TLK1: variants seen among roughly 807,000 people sequenced by gnomAD.
The protein encoded by TLK1 is tousled like kinase 1.
Under a neutral mutation model 105.3 loss-of-function variants are expected in TLK1, and 24 were observed. The observed-to-expected ratio is 0.23, with a 90% CI of 0.17 to 0.32. The LOEUF is 0.32. TLK1 is among the 10% of genes least tolerant of loss of function. The pLI is 1.00. For synonymous variants in TLK1, 321 were observed against 310.4 expected, an observed-to-expected ratio of 1.03 and a Z score of -0.36; for missense variants, 558 against 910.5, an observed-to-expected ratio of 0.61 and a Z score of 4.98.
intron 1 of TLK1, among the ~76,000 whole-genome samples, chr2:171,203,308 C>T (rs1188188903): frequency 6.6e-6 from 1 of 152,020 alleles, no homozygotes; most frequent in Non-Finnish European, 1.5e-5. Flanking sequence ...GAATTCATCT[C>T]GTAAAACTAA....
At chr2:171,028,177 A>G (rs1184424939) in intron 12 of TLK1, among the ~76,000 whole-genome samples, 162 bp downstream of exon 12, 2 of 152,186 alleles carry the variant, frequency 1.3e-5, no homozygotes, top group Non-Finnish European at 2.9e-5. Flanking sequence ...ATACTAATAA[A>G]TAAAATAAAG....
intron 1 of TLK1, among the ~76,000 whole-genome samples, chr2:171,208,227 A>G (rs1693544419): frequency 6.6e-6 from 1 of 152,196 alleles, no homozygotes; most frequent in Non-Finnish European, 1.5e-5. Flanking sequence ...TAGACTTTTT[A>G]TAAAATAAAT....
Position 171,050,084 on chromosome 2 carries a change from T to G in TLK1, c.823A>C (p.Lys275Gln). The G allele has an allele frequency of 6.2e-7, 1 of 1,602,134 alleles. No homozygotes were observed. The highest frequency in any genetic ancestry group is 8.5e-7 in the Non-Finnish European group (1 of 1,172,742). The part of the protein sequence containing the change: ...ERLNKCISMS[K>Q]KLLIEKSTQE... Reference sequence around the variant, plus strand: ...CCTACCTTTTCAATAAGAAGTTTCTTGCTCATTGATATGCACTTATTTAAT... The same window carrying G: ...CCTACCTTTTCAATAAGAAGTTTCTGGCTCATTGATATGCACTTATTTAAT... Residue 275 changes from lysine to glutamine, a missense_variant, in exon 9 of 21, where the codon AAG (lysine) becomes CAG (glutamine). By Grantham distance (53) the Lys-to-Gln change is moderately conservative. Coordinates refer to ENST00000431350, the MANE Select transcript of TLK1 (RefSeq NM_012290.5).
At chr2:170,999,485 G>T (rs1159331155) in intron 18 of TLK1, among the ~76,000 whole-genome samples, 1 of 152,218 alleles carries the variant, frequency 6.6e-6, no homozygotes, top group East Asian at 1.9e-4. Flanking sequence ...GGCACAAGGT[G>T]TATGTATGCA....
At chr2:171,128,790 A>C (rs1178113247) in intron 1 of TLK1, among the ~76,000 whole-genome samples, 1 of 152,230 alleles carries the variant, frequency 6.6e-6, no homozygotes, top group Non-Finnish European at 1.5e-5. Flanking sequence ...GTATATACAC[A>C]TACTCACATA....
chr2:171,158,866 T>C (rs183155952), intron 1 of TLK1, among the ~76,000 whole-genome samples: 24 of 152,336 alleles, frequency 1.6e-4, no homozygotes, highest in Middle Eastern at 3.4e-3. Context: ...AGCTCAGCGT[T>C]GGGATAAGAT....
At chr2:171,225,375 A>G (rs1693879504) in intron 1 of TLK1, among the ~76,000 whole-genome samples, 1 of 152,204 alleles carries the variant, frequency 6.6e-6, no homozygotes, top group Non-Finnish European at 1.5e-5. Flanking sequence ...TAAGCATACT[A>G]AAGATGCCTA....
intron 3 of TLK1, among the ~76,000 whole-genome samples, chr2:171,071,602 T>C (rs1386098688): frequency 6.6e-6 from 1 of 152,018 alleles, no homozygotes; most frequent in African/African-American, 2.4e-5. Flanking sequence ...TGTCCATTTT[T>C]ACCTTTGGTT....
At chr2:171,056,411 T>G (rs904043073) in intron 6 of TLK1, 60 bp downstream of exon 6, 331 of 1,371,810 alleles carry the variant, frequency 2.4e-4, no homozygotes, top group Non-Finnish European at 1.9e-4. Flanking sequence ...ATTATAAAAC[T>G]TATTCAGTGT....
intron 1 of TLK1, among the ~76,000 whole-genome samples, chr2:171,207,277 G>A (rs1333514809): frequency 1.3e-5 from 2 of 152,182 alleles, no homozygotes; most frequent in Non-Finnish European, 2.9e-5. Flanking sequence ...ATTACTAAGT[G>A]AAAGAAGGCA....
At chr2:171,118,769 G>A (rs369108004) in intron 1 of TLK1, among the ~76,000 whole-genome samples, 1 of 152,152 alleles carries the variant, frequency 6.6e-6, no homozygotes, top group Non-Finnish European at 1.5e-5. Context: ...ATGACTTGGG[G>A]AACATTTTTG....
At chr2:171,061,711 C>G (rs1237808297) in intron 3 of TLK1, among the ~76,000 whole-genome samples, 4 of 152,212 alleles carry the variant, frequency 2.6e-5, no homozygotes, top group African/African-American at 9.6e-5. Context: ...GATCAGTAAA[C>G]TATGGCCTAT....
chr2:171,026,708 G>A (rs752948058), intron 12 of TLK1, among the ~76,000 whole-genome samples: 10 of 151,998 alleles, frequency 6.6e-5, no homozygotes, highest in Non-Finnish European at 1.3e-4. Context: ...AGGCCCTTAC[G>A]AACTCATTAT....
At chr2:171,174,290 C>A (rs920799665) in intron 1 of TLK1, among the ~76,000 whole-genome samples, 1 of 152,044 alleles carries the variant, frequency 6.6e-6, no homozygotes, top group Non-Finnish European at 1.5e-5. Flanking sequence ...GAATTTCCTA[C>A]TCCTACCTAT....
intron 18 of TLK1, among the ~76,000 whole-genome samples, chr2:170,999,378 GATTT>G (rs1484046930): frequency 6.6e-6 from 1 of 152,158 alleles, no homozygotes; most frequent in Non-Finnish European, 1.5e-5. Flanking sequence ...TAAAAAGCTG[GATTT>G]ATTTTGTCAA....
At chr2:171,019,459 A>G (rs1399553470) in intron 12 of TLK1, among the ~76,000 whole-genome samples, 2 of 152,238 alleles carry the variant, frequency 1.3e-5, no homozygotes, top group Admixed American at 1.3e-4. Context: ...GTAGGCATTA[A>G]AACTATAAGG....
chr2:171,007,774 C>T (rs1684714407), intron 14 of TLK1, among the ~76,000 whole-genome samples: 1 of 152,074 alleles, frequency 6.6e-6, no homozygotes, highest in Non-Finnish European at 1.5e-5. Context: ...ATTATCACAC[C>T]TAACTACATC....
intron 1 of TLK1, among the ~76,000 whole-genome samples, chr2:171,126,486 A>G (rs1055443663): frequency 5.3e-5 from 8 of 152,220 alleles, no homozygotes; most frequent in Middle Eastern, 3.2e-3. Context: ...TGATAGTTAT[A>G]TCACCTGTAT....
Position 171,227,568 on chromosome 2 carries a change from C to CT in TLK1, c.-6+3576dup, listed in dbSNP as rs71401413. Among the ~76,000 whole-genome samples, 268 of 55,500 alleles carry CT rather than the reference C, an allele frequency of 4.8e-3. 24 individuals carry two copies. Among genetic ancestry groups the CT allele is most frequent in the African/African-American group, 0.013 (187 of 14,954 alleles). 36.4% of individuals were successfully genotyped at this position (55,500 alleles called of 152,430 possible). The stretch of plus-strand genomic sequence containing the variant: ...AGTTAGTCATGAGTTAGTAAATCTC[C>CT]TTTTTTTTTTTTTTTTTTTTTTTTT... On this transcript the variant is annotated intron_variant, in intron 1 of 20. Transcript: ENST00000521943.
Sources: allele counts gnomAD v4.1 joint callset (sites outside exome capture counted in the v4.1 genomes callset), GRCh38; gene constraint gnomAD v4.1.1; transcripts MANE v1.5; gene names NCBI Gene and HGNC (gene_info 2026-07-23, HGNC 2026-07-21).